Variants in ZNF571 observed in about 807,000 individuals in gnomAD.
ZNF571 encodes the protein zinc finger protein 571.
A neutral mutation model predicts 7.7 loss-of-function variants in ZNF571; 4 were observed. The observed-to-expected ratio is 0.52, with a 90% confidence interval of 0.25 to 1.18. The LOEUF (loss-of-function observed/expected upper bound fraction) is 1.18. Ranked by LOEUF, ZNF571 falls within the 50% of genes most tolerant of loss-of-function variation. The pLI, the probability that ZNF571 is intolerant of heterozygous loss-of-function variation, is 0.14. For missense variants in ZNF571, 704 were observed against 726.9 expected (o/e 0.97, Z 0.36); for synonymous variants, 251 against 232.4 (o/e 1.08, Z -0.73).
chr19:37,564,756 A>AG lies in ZNF571; in HGVS notation c.1671dup (p.Tyr558LeufsTer2), dbSNP rs767120527. The AG allele has an allele frequency of 3.8e-5, 62 of 1,613,698 alleles. No individual in the cohort carries two copies. The highest frequency in any genetic ancestry group is 5.0e-5 in the Non-Finnish European group (59 of 1,179,784). On this transcript the variant is annotated frameshift_variant, in exon 4 of 4. Transcript: ENST00000451802. LOFTEE classifies it low-confidence loss of function (END_TRUNC). Reference sequence around the variant, plus strand: ...GCCCTCCCACATTCCTTACATTCATAGGGTTTCTCTCCAGTATGAGTTCTC... The same window carrying AG: ...GCCCTCCCACATTCCTTACATTCATAGGGGTTTCTCTCCAGTATGAGTTCTC...
chr19:37,591,075 C>A (rs1355644498), intron 1 of ZNF571, among the ~76,000 whole-genome samples: 1 of 152,142 alleles, frequency 6.6e-6, no homozygotes, highest in Non-Finnish European at 1.5e-5. Context: ...ATTCATGATT[C>A]ATGATTTATA....
Position 37,582,167 on chromosome 19 carries a change from T to C in ZNF571, c.136+1804A>G, listed in dbSNP as rs187625544. 6.4e-4 allele frequency among the ~76,000 whole-genome samples: 98 copies of C among 152,278 alleles called. 1 individual carries two copies. The highest frequency in any genetic ancestry group is 2.2e-3 in the African/African-American group (92 of 41,560). ...GTTAATTCACTGTCCCACTCTAGTT[T>C]TTATTGTTGACTTACTTCTTTCTCA... On this transcript the variant is annotated intron_variant, in intron 3 of 3. Transcript: ENST00000451802.
At chr19:37,577,900 CG>C (rs1342261986) in intron 3 of ZNF571, among the ~76,000 whole-genome samples, 1 of 152,124 alleles carries the variant, frequency 6.6e-6, no homozygotes, top group Admixed American at 6.5e-5. Context: ...AGCCACAGAC[CG>C]TACTGTTTGG....
chr19:37,566,145 T>G lies in ZNF571; in HGVS notation c.283A>C (p.Asn95His). 6.2e-7 allele frequency: 1 copy of G among 1,614,026 alleles called. No individual in the cohort carries two copies. The highest frequency in any genetic ancestry group is 2.2e-5 in the East Asian group (1 of 44,874). ...TGACTTGCTTCTTGACCCTCTAAGT[T>G]GCCTTTGCACTCCATATTGTCTCCA... ...GLGDNMECKG[N>H]LEGQEASQEG... Residue 95 changes from asparagine to histidine, a missense_variant, in exon 4 of 4, where the codon AAC (asparagine) becomes CAC (histidine). Physicochemically the swap from Asn to His is moderately conservative, Grantham distance 68. Coordinates refer to ENST00000451802, the MANE Select transcript of ZNF571 (RefSeq NM_016536.5).
intron 3 of ZNF571, among the ~76,000 whole-genome samples, chr19:37,574,680 T>G (rs957969231): frequency 1.3e-5 from 2 of 152,184 alleles, no homozygotes; most frequent in African/African-American, 4.8e-5. Context: ...ATAGCACCAG[T>G]TTTAGTAGAT....
At chr19:37,593,160 T>C (rs908196912) in intron 1 of ZNF571, among the ~76,000 whole-genome samples, 1 of 152,176 alleles carries the variant, frequency 6.6e-6, no homozygotes, top group Non-Finnish European at 1.5e-5. Context: ...AGCATCATGG[T>C]TATTTTAAAA....
intron 3 of ZNF571, among the ~76,000 whole-genome samples, chr19:37,583,087 A>G (rs911197037): frequency 2.6e-5 from 4 of 152,126 alleles, no homozygotes; most frequent in Admixed American, 6.5e-5. Context: ...CTGATTCTCA[A>G]ACAAGTGAAG....
At position 37,564,768 on chromosome 19, in the gene ZNF571, C is replaced by T. The variant is rs149435363; in HGVS notation, c.1660G>A (p.Gly554Arg). ...HLTEHLRTHT[G>R]EKPYECKECG... The stretch of plus-strand genomic sequence containing the variant: ...TCCTTACATTCATAGGGTTTCTCTC[C>T]AGTATGAGTTCTCAGATGTTCAGTA... Residue 554 changes from glycine to arginine, a missense_variant, in exon 4 of 4, where the codon GGA (glycine) becomes AGA (arginine). By Grantham distance (125) the Gly-to-Arg change is moderately radical (BLOSUM62 -2). Transcript: ENST00000451802. 2 of 1,613,940 alleles carry T rather than the reference C, an allele frequency of 1.2e-6. No individual in the cohort carries two copies. Among genetic ancestry groups the T allele is most frequent in the East Asian group, 2.2e-5 (1 of 44,868 alleles).
chr19:37,584,398 C>T (rs1600522642), intron 2 of ZNF571, among the ~76,000 whole-genome samples: 2 of 152,198 alleles, frequency 1.3e-5, no homozygotes, highest in East Asian at 1.9e-4. Context: ...TTTAATTGCA[C>T]AGCAGATAAG....
At chr19:37,584,759 G>A (rs969921819) in intron 2 of ZNF571, among the ~76,000 whole-genome samples, 6 of 151,948 alleles carry the variant, frequency 3.9e-5, no homozygotes, top group Non-Finnish European at 7.4e-5. Context: ...TCAGGAGATC[G>A]AGACCATCCT....
intron 1 of ZNF571, among the ~76,000 whole-genome samples, chr19:37,592,971 C>CT (rs1315930293): frequency 6.6e-6 from 1 of 152,136 alleles, no homozygotes; most frequent in Middle Eastern, 3.2e-3. Flanking sequence ...TGTGTGGACT[C>CT]TATCTGGATC....
chr19:37,575,265 G>C (rs756445236), intron 3 of ZNF571, among the ~76,000 whole-genome samples: 1 of 152,112 alleles, frequency 6.6e-6, no homozygotes, highest in African/African-American at 2.4e-5. Context: ...TATTATGCTT[G>C]ATTGTACATT....
rs749595917 is a variant in ZNF571, at chr19:37,569,012, A to G, written c.137-2721T>C. Among the ~76,000 whole-genome samples the G allele has an allele frequency of 1.3e-5, 2 of 151,684 alleles. No individual in the cohort carries two copies. The highest frequency in any genetic ancestry group is 2.4e-5 in the African/African-American group (1 of 41,238). On this transcript the variant is annotated intron_variant, in intron 3 of 3. Coordinates refer to ENST00000451802, the MANE Select transcript of ZNF571 (RefSeq NM_016536.5). The surrounding 1 kb of genome is among the most constrained non-coding windows in gnomAD (Gnocchi z 4.4). ...CGCTCTGTCATCCAGGCTGGAGTGC[A>G]GTCGTGCCATCTCAGCTCACTGCAA...
chr19:37,590,435 A>G (rs2043836162), intron 1 of ZNF571, among the ~76,000 whole-genome samples: 1 of 151,980 alleles, frequency 6.6e-6, no homozygotes, highest in Non-Finnish European at 1.5e-5. Context: ...GAAGAAGAAA[A>G]AAAAAGCTAT....
At chr19:37,577,441 T>G (rs2043280805) in intron 3 of ZNF571, among the ~76,000 whole-genome samples, 1 of 152,036 alleles carries the variant, frequency 6.6e-6, no homozygotes, top group Admixed American at 6.5e-5. Context: ...CAACATAAAG[T>G]ATAGGAGAAG....
chr19:37,572,605 C>T (rs1331470187), intron 3 of ZNF571, among the ~76,000 whole-genome samples: 2 of 152,092 alleles, frequency 1.3e-5, no homozygotes, highest in African/African-American at 2.4e-5. Flanking sequence ...ATGTATACGC[C>T]GCAGATAAGG....
At chr19:37,579,030 A>G (rs2043350055) in intron 3 of ZNF571, among the ~76,000 whole-genome samples, 1 of 151,660 alleles carries the variant, frequency 6.6e-6, no homozygotes, top group South Asian at 2.1e-4. Flanking sequence ...CCCACAGCAC[A>G]GCCGCCCTGC....
intron 2 of ZNF571, 184 bp from the exon 3 acceptor site, chr19:37,584,281 A>G (rs889950725): frequency 3.1e-6 from 2 of 639,400 alleles, no homozygotes; most frequent in Non-Finnish European, 5.1e-6. Context: ...CTTCCTCTGT[A>G]CAATAGAACA....
intron 1 of ZNF571, among the ~76,000 whole-genome samples, chr19:37,589,864 C>CCAA (rs2043813771): frequency 3.4e-5 from 1 of 29,590 alleles, no homozygotes; most frequent in Non-Finnish European, 5.5e-5. Context: ...GACTCCATCT[C>CCAA]AAAAAAAAAA....
Sources: allele counts gnomAD v4.1 joint callset (sites outside exome capture counted in the v4.1 genomes callset), GRCh38; gene constraint gnomAD v4.1.1; non-coding constraint Gnocchi (gnomAD v3.1); transcripts MANE v1.5; gene names NCBI Gene and HGNC (gene_info 2026-07-23, HGNC 2026-07-21).